The following MDFIC variants were observed in gnomAD, a reference collection of about 807,000 sequenced individuals.
MDFIC encodes the protein myoD family inhibitor domain-containing protein.
In MDFIC, 17 loss-of-function variants were observed where a neutral mutation model predicts 23.2. The ratio of observed to expected loss-of-function variants is 0.73; its 90% CI spans 0.50 to 1.10. The LOEUF (loss-of-function observed/expected upper bound fraction) is 1.10. Ranked by LOEUF, MDFIC falls within the 50% of genes least tolerant of loss-of-function variation. MDFIC has a pLI of 0.00. For synonymous variants in MDFIC, 120 were observed against 115.2 expected (o/e 1.04, Z -0.27); for missense variants, 356 against 316.6 (o/e 1.12, Z -0.95).
intron 4 of MDFIC, among the ~76,000 whole-genome samples, chr7:115,009,106 A>G (rs1443041544): frequency 6.6e-6 from 1 of 152,238 alleles, no homozygotes; most frequent in East Asian, 1.9e-4. Context: ...GGCCTGTTAA[A>G]TGCTAATAAA....
At chr7:115,002,111 T>A (rs938283632) in intron 4 of MDFIC, among the ~76,000 whole-genome samples, 11 of 152,100 alleles carry the variant, frequency 7.2e-5, no homozygotes, top group African/African-American at 2.7e-4. Context: ...CACTCCAGTC[T>A]GGATGACAGA....
rs115408772 is a variant in MDFIC at position 115,013,415 on chromosome 7, G to A, written c.494-2273G>A. On this transcript the variant is annotated intron_variant, in intron 4 of 4. Coordinates refer to ENST00000393486, the MANE Select transcript of MDFIC (RefSeq NM_001166345.3). ...TAGTTCTATGTCTGATAAATTTTAC[G>A]ACTAGTATATAAATAATTTACATAA... Among the ~76,000 whole-genome samples the A allele has an allele frequency of 3.2e-3, 483 of 152,176 alleles. 3 individuals carry two copies. The highest frequency in any genetic ancestry group is 0.011 in the African/African-American group (451 of 41,536).
At chr7:114,982,792 AAGGTGCTGGC>A (rs1165001998) in intron 4 of MDFIC, among the ~76,000 whole-genome samples, 1 of 152,206 alleles carries the variant, frequency 6.6e-6, no homozygotes, top group Non-Finnish European at 1.5e-5. Flanking sequence ...GAGCAAGATC[AAGGTGCTGGC>A]AGGTTAGGTT....
chr7:114,937,322 G>A (rs1283482318), intron 2 of MDFIC, among the ~76,000 whole-genome samples: 1 of 152,076 alleles, frequency 6.6e-6, no homozygotes, highest in Admixed American at 6.6e-5. Context: ...TTGATCATTT[G>A]GAACCTTTAG....
At chr7:114,946,751 G>A (rs1792653636) in intron 3 of MDFIC, among the ~76,000 whole-genome samples, 1 of 152,034 alleles carries the variant, frequency 6.6e-6, no homozygotes, top group African/African-American at 2.4e-5. Context: ...CACCCTTATG[G>A]AGCTGCCGTA....
chr7:114,990,387 C>A (rs1041976551), intron 4 of MDFIC, among the ~76,000 whole-genome samples: 2 of 151,696 alleles, frequency 1.3e-5, no homozygotes, highest in Admixed American at 6.6e-5. Flanking sequence ...TTCTAGGATA[C>A]ATGTGCACAA....
chr7:114,922,481 G>T lies in MDFIC; in HGVS notation c.-263G>T. The T allele has an allele frequency of 1.6e-6, 2 of 1,253,518 alleles. No homozygotes were observed. Among genetic ancestry groups the T allele is most frequent in the Non-Finnish European group, 2.0e-6 (2 of 992,814 alleles). 77.6% of individuals were successfully genotyped at this position (1,253,518 alleles called of 1,614,324 possible). A position where few individuals can be genotyped will look rare whatever the true frequency, so the allele number is the denominator to read the frequency against. On this transcript the variant is annotated 5_prime_UTR_variant, in exon 1 of 5. Transcript: ENST00000393486. ...GCCACTGCGGCGTCTGGGCTGAGCC[G>T]GAGGGAGGCGGGAGGACGCGCAGGG...
intron 4 of MDFIC, among the ~76,000 whole-genome samples, chr7:114,986,032 G>GT (rs11314179): frequency 0.13 from 17,423 of 138,278 alleles, 1,361 homozygotes; most frequent in East Asian, 0.34. Flanking sequence ...TACCTTTGCA[G>GT]TTTTTTTTTT....
At chr7:115,002,493 A>G (rs1301761676) in intron 4 of MDFIC, among the ~76,000 whole-genome samples, 3 of 152,212 alleles carry the variant, frequency 2.0e-5, no homozygotes, top group Non-Finnish European at 2.9e-5. Context: ...ACACTCTTCT[A>G]GGTACAGTTT....
chr7:114,923,238 T>C, intron 2 of MDFIC, 111 bp downstream of exon 2: 2 of 1,381,850 alleles, frequency 1.4e-6, no homozygotes, highest in Admixed American at 4.1e-5. Flanking sequence ...GGGCTCCCAC[T>C]CGTAGTTGAG....
At position 114,954,996 on chromosome 7, in the gene MDFIC, G is replaced by A. The variant is rs550276825; in HGVS notation, c.217+12599G>A. On this transcript the variant is annotated intron_variant, in intron 3 of 4. Coordinates refer to ENST00000393486, the MANE Select transcript of MDFIC (RefSeq NM_001166345.3). ...ACTGGGTTCCTTTCTGCCTCTCGTCGGTCTTTTGCATACCAGATCTTCCTT... is the reference window on the plus strand; with the variant it reads ...ACTGGGTTCCTTTCTGCCTCTCGTCAGTCTTTTGCATACCAGATCTTCCTT... 3.3e-5 allele frequency among the ~76,000 whole-genome samples: 5 copies of A among 151,728 alleles called. No homozygotes were observed. In the East Asian group the frequency reaches 7.7e-4, roughly 23 times the overall value.
chr7:114,928,731 A>G (rs567731964), intron 2 of MDFIC, among the ~76,000 whole-genome samples: 28 of 152,316 alleles, frequency 1.8e-4, no homozygotes, highest in African/African-American at 6.7e-4. Context: ...AGAAAAGGAC[A>G]GGAACCACTT....
chr7:115,015,268 G>A (rs918405171), intron 4 of MDFIC, among the ~76,000 whole-genome samples: 3 of 152,162 alleles, frequency 2.0e-5, no homozygotes, highest in African/African-American at 7.2e-5. Flanking sequence ...TAGAGCAGGT[G>A]GGTGGAGCAA....
chr7:114,959,236 G>T (rs749701414), intron 3 of MDFIC, among the ~76,000 whole-genome samples: 1 of 152,084 alleles, frequency 6.6e-6, no homozygotes, highest in Non-Finnish European at 1.5e-5. Flanking sequence ...ATCATAGCCT[G>T]GTCAGTAATA....
At chr7:114,928,884 G>A (rs1792249466) in intron 2 of MDFIC, among the ~76,000 whole-genome samples, 1 of 152,096 alleles carries the variant, frequency 6.6e-6, no homozygotes, top group Non-Finnish European at 1.5e-5. Flanking sequence ...TGAGGAAATT[G>A]ATTTAAAAAC....
At chr7:115,007,464 C>A (rs902052369) in intron 4 of MDFIC, among the ~76,000 whole-genome samples, 1 of 151,302 alleles carries the variant, frequency 6.6e-6, no homozygotes. Context: ...TATTTTCTAG[C>A]CTTTCTTTCC....
intron 2 of MDFIC, among the ~76,000 whole-genome samples, chr7:114,931,194 G>A (rs1792301913): frequency 6.6e-6 from 1 of 152,128 alleles, no homozygotes; most frequent in East Asian, 1.9e-4. Flanking sequence ...TTAAGTTTTT[G>A]AAGTCTAGTT....
chr7:114,941,363 C>T (rs985949247), intron 2 of MDFIC, among the ~76,000 whole-genome samples: 27 of 152,190 alleles, frequency 1.8e-4, no homozygotes, highest in Non-Finnish European at 2.9e-5. Context: ...ATCAAACCTT[C>T]GCAGTCTTCT....
intron 2 of MDFIC, chr7:114,923,569 G>A: frequency 1.3e-6 from 2 of 1,532,290 alleles, no homozygotes; most frequent in Non-Finnish European, 1.7e-6. Flanking sequence ...GATAATTCAG[G>A]TTTCTGTGAC....
Sources: gnomAD v4.1 joint callset for allele counts (sites outside exome capture counted in the v4.1 genomes callset) on GRCh38, gnomAD v4.1.1 for gene constraint, MANE v1.5 for transcripts, NCBI Gene and HGNC (gene_info 2026-07-23, HGNC 2026-07-21) for gene names.